Variants in SMYD2 observed in about 807,000 individuals in gnomAD.
SMYD2 encodes the protein SET and MYND domain containing 2.
SMYD2 carries 53 observed loss-of-function variants against 59.1 expected under a neutral mutation model. That is an observed-to-expected ratio of 0.90 (90% confidence interval 0.72 to 1.13). The LOEUF (loss-of-function observed/expected upper bound fraction) is 1.13, where lower values mean the gene tolerates loss of function less well. SMYD2 is among the 50% of genes most tolerant of loss of function. SMYD2 has a pLI of 0.00. For missense variants in SMYD2, 494 were observed against 544.7 expected (o/e 0.91, Z 0.93); for synonymous variants, 208 against 198.8 (o/e 1.05, Z -0.39).
intron 1 of SMYD2, among the ~76,000 whole-genome samples, chr1:214,299,752 G>A (rs1001760013): frequency 3.9e-5 from 6 of 152,046 alleles, no homozygotes; most frequent in African/African-American, 9.7e-5. Flanking sequence ...GACTACAGGC[G>A]CCCGCCACCA....
At chr1:214,316,355 C>T (rs1359414674) in intron 3 of SMYD2, among the ~76,000 whole-genome samples, 1 of 152,042 alleles carries the variant, frequency 6.6e-6, no homozygotes, top group Non-Finnish European at 1.5e-5. Context: ...GTGGTATACA[C>T]CTGTGGTCCC....
chr1:214,330,166 A>C lies in SMYD2; in HGVS notation c.706-2A>C. ...GAAGCTTTATCTTTTTGGACCCCGT[A>C]GGTTTTTACCAGCTATATTGATCTC... On this transcript the variant is annotated splice_acceptor_variant, in intron 7 of 11. Coordinates refer to ENST00000366957, the MANE Select transcript of SMYD2 (RefSeq NM_020197.3). LOFTEE classifies it high-confidence loss of function. 6.3e-7 allele frequency: 1 copy of C among 1,594,478 alleles called. No homozygotes were observed. Among genetic ancestry groups the C allele is most frequent in the Non-Finnish European group, 8.6e-7 (1 of 1,166,496 alleles).
At chr1:214,327,557 G>A in intron 6 of SMYD2, 65 bp from the exon 7 acceptor site, 1 of 1,305,624 alleles carries the variant, frequency 7.7e-7, no homozygotes, top group South Asian at 1.2e-5. Flanking sequence ...CAAGTAAGTA[G>A]TGAAGGAAGC....
intron 5 of SMYD2, among the ~76,000 whole-genome samples, chr1:214,320,095 A>G (rs1657146824): frequency 6.6e-6 from 1 of 152,230 alleles, no homozygotes; most frequent in African/African-American, 2.4e-5. Context: ...AGAAAAGGAA[A>G]GAGGAAAAGG....
At chr1:214,282,388 G>C (rs1656465327) in intron 1 of SMYD2, among the ~76,000 whole-genome samples, 1 of 152,152 alleles carries the variant, frequency 6.6e-6, no homozygotes, top group Admixed American at 6.5e-5. Flanking sequence ...CACTGGTTAG[G>C]TGCTCAGTAA....
At chr1:214,317,928 A>G (rs1021054253) in intron 3 of SMYD2, 151 bp from the exon 4 acceptor site, 73 of 737,854 alleles carry the variant, frequency 9.9e-5, no homozygotes, top group Non-Finnish European at 1.6e-4. Flanking sequence ...TGGCTGGTGG[A>G]GAGCCCTAGT....
intron 5 of SMYD2, among the ~76,000 whole-genome samples, chr1:214,323,915 A>G (rs533096649): frequency 6.6e-6 from 1 of 152,218 alleles, no homozygotes; most frequent in South Asian, 2.1e-4. Flanking sequence ...TCACCTTATG[A>G]GATGAGCATT....
At chr1:214,287,962 C>A (rs77309688) in intron 1 of SMYD2, among the ~76,000 whole-genome samples, 457 of 152,282 alleles carry the variant, frequency 3.0e-3, no homozygotes, top group African/African-American at 0.011. Context: ...CAGTAACTCA[C>A]GTTATTTTTC....
chr1:214,330,259 A>C lies in SMYD2; in HGVS notation c.797A>C (p.Glu266Ala). 6.2e-7 allele frequency: 1 copy of C among 1,612,598 alleles called. No individual in the cohort carries two copies. The highest frequency in any genetic ancestry group is 8.5e-7 in the Non-Finnish European group (1 of 1,178,912). ...TATTTCTTTACCTGTGAGTGCCAGG[A>C]GTGTACCACCAAGGACAAGGTAAGG... ...DSYFFTCECQ[E>A]CTTKDKDKAK... The change falls in exon 8 of 12, where the codon GAG becomes GCG. Residue 266 changes from glutamate to alanine, a missense_variant. Coordinates refer to ENST00000366957, the MANE Select transcript of SMYD2 (RefSeq NM_020197.3).
At chr1:214,325,346 G>A (rs6540822) in intron 6 of SMYD2, among the ~76,000 whole-genome samples, 134,419 of 152,286 alleles carry the variant, frequency 0.88, 59,892 homozygotes, top group African/African-American at 0.97. Flanking sequence ...GTCTCATGGA[G>A]TGAGTATTTC....
chr1:214,290,330 C>T (rs758773111), intron 1 of SMYD2, among the ~76,000 whole-genome samples: 2 of 152,132 alleles, frequency 1.3e-5, no homozygotes, highest in Admixed American at 6.5e-5. Context: ...TAGCGTGGAA[C>T]TCCTTGTGTT....
chr1:214,294,910 C>G (rs571444627), intron 1 of SMYD2, among the ~76,000 whole-genome samples: 87 of 152,202 alleles, frequency 5.7e-4, no homozygotes, highest in Non-Finnish European at 1.1e-3. Flanking sequence ...ATTTATATTA[C>G]TTTGGTTTTG....
chr1:214,285,729 A>G (rs985583330), intron 1 of SMYD2, among the ~76,000 whole-genome samples: 1 of 152,230 alleles, frequency 6.6e-6, no homozygotes, highest in Non-Finnish European at 1.5e-5. Flanking sequence ...TGACAGGGAT[A>G]TGTTCCAAGA....
chr1:214,328,682 G>A (rs757320985), intron 7 of SMYD2, among the ~76,000 whole-genome samples: 4 of 152,218 alleles, frequency 2.6e-5, no homozygotes, highest in Admixed American at 6.5e-5. Context: ...CGTGCTGAAT[G>A]ACAAGTGCTT....
At chr1:214,322,595 C>T (rs1657191515) in intron 5 of SMYD2, among the ~76,000 whole-genome samples, 1 of 152,066 alleles carries the variant, frequency 6.6e-6, no homozygotes, top group Admixed American at 6.5e-5. Context: ...TTTTCAAGCC[C>T]CTGCGTTTGG....
At chr1:214,331,820 C>T (rs942323356) in intron 9 of SMYD2, 198 bp from the exon 10 acceptor site, 6 of 557,266 alleles carry the variant, frequency 1.1e-5, no homozygotes, top group African/African-American at 1.9e-5. Context: ...TTGAGTTGAG[C>T]GGTTCCGACC....
intron 10 of SMYD2, 199 bp downstream of exon 10, chr1:214,332,391 T>G (rs1055350179): frequency 3.4e-6 from 2 of 585,736 alleles, no homozygotes; most frequent in African/African-American, 3.7e-5. Flanking sequence ...AGGAGACAGG[T>G]TGAGGTTATG....
intron 11 of SMYD2, among the ~76,000 whole-genome samples, chr1:214,336,480 G>C (rs968769647): frequency 1.3e-5 from 2 of 152,124 alleles, no homozygotes; most frequent in African/African-American, 2.4e-5. Context: ...TGCAGTGAGC[G>C]GAGATCGCAC....
intron 1 of SMYD2, among the ~76,000 whole-genome samples, chr1:214,284,326 T>C (rs930550507): frequency 7.2e-6 from 1 of 139,788 alleles, no homozygotes; most frequent in Non-Finnish European, 1.5e-5. Flanking sequence ...AGTGGCGTGA[T>C]CTCAGCTCAC....
Sources: gnomAD v4.1 joint callset for allele counts (sites outside exome capture counted in the v4.1 genomes callset) on GRCh38, gnomAD v4.1.1 for gene constraint, MANE v1.5 for transcripts, NCBI Gene and HGNC (gene_info 2026-07-23, HGNC 2026-07-21) for gene names.